Variants in TRIM24 observed in about 807,000 individuals in gnomAD.
TRIM24 encodes the protein transcription intermediary factor 1-alpha.
A neutral mutation model predicts 123.9 loss-of-function variants in TRIM24; 29 were observed. The observed-to-expected ratio is 0.23, with a 90% CI of 0.17 to 0.32. The LOEUF (loss-of-function observed/expected upper bound fraction) is 0.32. Ranked by LOEUF, TRIM24 falls within the 10% of genes least tolerant of loss-of-function variation. TRIM24 has a pLI of 1.00. For synonymous variants in TRIM24, 456 were observed against 461.1 expected (o/e 0.99, Z 0.14); for missense variants, 932 against 1,295.3 (o/e 0.72, Z 4.31).
chr7:138,496,899 C>G (rs1795919695), intron 1 of TRIM24, among the ~76,000 whole-genome samples: 2 of 152,094 alleles, frequency 1.3e-5, no homozygotes, highest in African/African-American at 2.4e-5. Flanking sequence ...AACGCTCAAC[C>G]AGCCTTGTAT....
At chr7:138,527,709 G>C (rs781496427) in intron 5 of TRIM24, among the ~76,000 whole-genome samples, 2 of 152,294 alleles carry the variant, frequency 1.3e-5, no homozygotes, top group African/African-American at 2.4e-5. Flanking sequence ...ACAAAGTTTG[G>C]TGGATGCTCT....
At chr7:138,549,046 A>G (rs1020002778) in intron 7 of TRIM24, among the ~76,000 whole-genome samples, 1 of 152,236 alleles carries the variant, frequency 6.6e-6, no homozygotes, top group Non-Finnish European at 1.5e-5. Flanking sequence ...GTATAATATA[A>G]TAAATACATA....
chr7:138,507,747 C>G (rs185090949), intron 2 of TRIM24, among the ~76,000 whole-genome samples: 1 of 151,842 alleles, frequency 6.6e-6, no homozygotes, highest in Non-Finnish European at 1.5e-5. Context: ...CCTGTCTGAG[C>G]GAATAAATGA....
intron 8 of TRIM24, among the ~76,000 whole-genome samples, chr7:138,552,564 G>T (rs929874554): frequency 6.6e-6 from 1 of 152,090 alleles, no homozygotes; most frequent in African/African-American, 2.4e-5. Flanking sequence ...GTGGGGGGTT[G>T]GGGGGTGCTC....
chr7:138,462,338 CTTT>C (rs34920255), intron 1 of TRIM24, among the ~76,000 whole-genome samples: 12 of 124,394 alleles, frequency 9.6e-5, no homozygotes, highest in Admixed American at 1.6e-4. Context: ...GTGCAAAAAT[CTTT>C]TTTTTTTTTT....
chr7:138,583,201 A>G (rs1475839538), intron 17 of TRIM24, among the ~76,000 whole-genome samples: 3 of 152,234 alleles, frequency 2.0e-5, no homozygotes, highest in East Asian at 1.9e-4. Flanking sequence ...TGTATAATAC[A>G]TGCAGCAAAA....
At chr7:138,477,787 G>A (rs1795436978) in intron 1 of TRIM24, among the ~76,000 whole-genome samples, 1 of 152,166 alleles carries the variant, frequency 6.6e-6, no homozygotes, top group Non-Finnish European at 1.5e-5. Context: ...GAAAGCTCCA[G>A]GATGGCAGCT....
chr7:138,570,430 A>G (rs1797630319), intron 10 of TRIM24, among the ~76,000 whole-genome samples: 1 of 152,238 alleles, frequency 6.6e-6, no homozygotes, highest in Admixed American at 6.5e-5. Flanking sequence ...TAAAATCCTG[A>G]AAGTACCAGT....
intron 5 of TRIM24, among the ~76,000 whole-genome samples, chr7:138,527,242 T>A (rs1048734587): frequency 6.6e-5 from 10 of 152,200 alleles, no homozygotes; most frequent in Admixed American, 2.6e-4. Context: ...AACATAGTGT[T>A]TTTCAAATTT....
intron 1 of TRIM24, chr7:138,491,054 G>T (rs1795770184): frequency 1.2e-5 from 3 of 254,906 alleles, no homozygotes; most frequent in South Asian, 8.3e-5. Flanking sequence ...TTTTGTCCTG[G>T]AGTAAGACCC....
chr7:138,584,762 T>C lies in TRIM24; in HGVS notation c.2964T>C (p.Asn988=). Reference sequence around the variant, plus strand: ...CACAGCCTGATTCAGAAGTAGCCAATGCTGGTATAAAACTTGAAAATTATT... The same window carrying C: ...CACAGCCTGATTCAGAAGTAGCCAACGCTGGTATAAAACTTGAAAATTATT... The part of the protein sequence containing the change: ...EFNEPDSEVA[N]AGIKLENYFE... The change falls in exon 19 of 19, where the codon AAT becomes AAC. Residue 988 remains asparagine, a synonymous_variant. Transcript: ENST00000343526. 1 of 1,610,830 alleles carries C rather than the reference T, an allele frequency of 6.2e-7. No individual in the cohort carries two copies.
intron 1 of TRIM24, 103 bp from the exon 2 acceptor site, chr7:138,504,187 A>G (rs10488642): frequency 0.32 from 207,138 of 646,658 alleles, 36,333 homozygotes; most frequent in African/African-American, 0.42. Context: ...TGAATTTAAA[A>G]AGAATGGACA....
At chr7:138,558,051 A>G (rs956089837) in intron 9 of TRIM24, among the ~76,000 whole-genome samples, 1 of 151,980 alleles carries the variant, frequency 6.6e-6, no homozygotes, top group Non-Finnish European at 1.5e-5. Flanking sequence ...TCCTTGCCTT[A>G]GAGGGATTAG....
intron 2 of TRIM24, among the ~76,000 whole-genome samples, chr7:138,513,396 A>C (rs1796329374): frequency 6.6e-6 from 1 of 152,128 alleles, no homozygotes; most frequent in Non-Finnish European, 1.5e-5. Context: ...TCACATTGCT[A>C]TAAAGAAATA....
chr7:138,580,365 C>G (rs553120900), intron 15 of TRIM24, among the ~76,000 whole-genome samples, 197 bp from the exon 16 acceptor site: 1 of 151,998 alleles, frequency 6.6e-6, no homozygotes, highest in Non-Finnish European at 1.5e-5. Context: ...GTTTGTTAGG[C>G]CCTTGCATTA....
intron 6 of TRIM24, among the ~76,000 whole-genome samples, chr7:138,535,622 G>T (rs914007372): frequency 6.6e-6 from 1 of 152,130 alleles, no homozygotes; most frequent in African/African-American, 2.4e-5. Flanking sequence ...TGGGTAAACC[G>T]ATCTTTCTCT....
rs958128162 is a variant in TRIM24 at position 138,587,921 on chromosome 7, T to C, written c.*2970T>C. 2.0e-5 allele frequency: 3 copies of C among 152,212 alleles called. No homozygotes were observed. The highest frequency in any genetic ancestry group is 7.2e-5 in the African/African-American group (3 of 41,448). 9.4% of individuals were successfully genotyped at this position (152,212 alleles called of 1,614,324 possible). A position where few individuals can be genotyped will look rare whatever the true frequency, so the allele number is the denominator to read the frequency against. ...GATCGGTATCTGGCATTGTAATCAT[T>C]TTGTCTTTTGAATTAACATGCCCTG... On this transcript the variant is annotated 3_prime_UTR_variant, in exon 19 of 19. Transcript: ENST00000343526.
At position 138,585,018 on chromosome 7, in the gene TRIM24, A is replaced by G; in HGVS notation, c.*67A>G. Reference sequence around the variant, plus strand: ...GTTTTCAAAAAAACATTTGTCAGTAATTTAACATCACTACAAAAAGAAGAG... The same window carrying G: ...GTTTTCAAAAAAACATTTGTCAGTAGTTTAACATCACTACAAAAAGAAGAG... On this transcript the variant is annotated 3_prime_UTR_variant, in exon 19 of 19. Transcript: ENST00000343526. 1 of 1,336,220 alleles carries G rather than the reference A, an allele frequency of 7.5e-7. No individual in the cohort carries two copies. The highest frequency in any genetic ancestry group is 1.0e-6 in the Non-Finnish European group (1 of 968,466). 82.8% of individuals were successfully genotyped at this position (1,336,220 alleles called of 1,614,324 possible).
intron 1 of TRIM24, among the ~76,000 whole-genome samples, chr7:138,462,412 C>T (rs1795013999): frequency 6.7e-6 from 1 of 148,486 alleles, no homozygotes; most frequent in Non-Finnish European, 1.5e-5. Context: ...GCGATCTCGG[C>T]TCACTGCAAG....
Sources: allele counts gnomAD v4.1 joint callset (sites outside exome capture counted in the v4.1 genomes callset), GRCh38; gene constraint gnomAD v4.1.1; transcripts MANE v1.5; gene names NCBI Gene and HGNC (gene_info 2026-07-23, HGNC 2026-07-21).